The following CEP112 variants were observed in gnomAD, a reference collection of about 807,000 sequenced individuals.
The protein encoded by CEP112 is centrosomal protein 112.
Under a neutral mutation model 153.0 loss-of-function variants are expected in CEP112, and 127 were observed. The observed-to-expected ratio is 0.83, with a 90% confidence interval of 0.72 to 0.96. CEP112 has a LOEUF of 0.96. Ranked by LOEUF, CEP112 falls within the 40% of genes least tolerant of loss-of-function variation. CEP112 has a pLI of 0.00. For missense variants in CEP112, 1,089 were observed against 1,101.2 expected, an observed-to-expected ratio of 0.99 and a Z score of 0.16; for synonymous variants, 358 against 374.4, an observed-to-expected ratio of 0.96 and a Z score of 0.51.
chr17:65,760,077 A>T (rs756398343), intron 21 of CEP112, among the ~76,000 whole-genome samples: 10 of 152,194 alleles, frequency 6.6e-5, no homozygotes, highest in Non-Finnish European at 1.2e-4. Context: ...CATTGCTGGT[A>T]TAAATGAAAG....
chr17:66,182,894 T>C (rs1164175357), intron 2 of CEP112, among the ~76,000 whole-genome samples: 3 of 152,056 alleles, frequency 2.0e-5, no homozygotes, highest in Admixed American at 6.6e-5. Flanking sequence ...AAAATTTCCA[T>C]AGAGAAAAGA....
chr17:66,123,874 C>T (rs1304598179), intron 6 of CEP112, among the ~76,000 whole-genome samples: 1 of 152,058 alleles, frequency 6.6e-6, no homozygotes, highest in Non-Finnish European at 1.5e-5. Context: ...GTTTAATTCT[C>T]TATGATCTGA....
chr17:66,090,814 G>A (rs2068104286), intron 8 of CEP112, among the ~76,000 whole-genome samples: 1 of 151,944 alleles, frequency 6.6e-6, no homozygotes, highest in Non-Finnish European at 1.5e-5. Flanking sequence ...TCATGTTTAA[G>A]AACCTACATA....
chr17:66,140,617 A>C (rs1349216305), intron 4 of CEP112, among the ~76,000 whole-genome samples: 1 of 152,166 alleles, frequency 6.6e-6, no homozygotes, highest in East Asian at 1.9e-4. Context: ...TCTTTACACT[A>C]ACAATGAATT....
intron 6 of CEP112, among the ~76,000 whole-genome samples, chr17:66,117,040 T>TATTTTTACAAAA (rs1345972926): frequency 6.6e-5 from 10 of 152,000 alleles, no homozygotes; most frequent in Non-Finnish European, 1.5e-4. Flanking sequence ...CTAATTTTTG[T>TATTTTTACAAAA]ATTTTTACAA....
chr17:66,083,266 C>T (rs2067792940), intron 8 of CEP112, among the ~76,000 whole-genome samples: 1 of 152,174 alleles, frequency 6.6e-6, no homozygotes, highest in African/African-American at 2.4e-5. Flanking sequence ...TGCACATGCT[C>T]TCTTGCCTGC....
chr17:66,189,949 T>C (rs925037879), intron 1 of CEP112, among the ~76,000 whole-genome samples: 7 of 152,102 alleles, frequency 4.6e-5, no homozygotes, highest in African/African-American at 9.7e-5. Context: ...GGAGGATCAC[T>C]TGAGCCCAAG....
At chr17:66,082,103 A>C (rs190007810) in intron 8 of CEP112, among the ~76,000 whole-genome samples, 7 of 152,288 alleles carry the variant, frequency 4.6e-5, no homozygotes, top group African/African-American at 1.7e-4. Context: ...GCCTTTTACC[A>C]AAGGAGCAAT....
chr17:66,033,448 CAT>C (rs1389422031), intron 12 of CEP112, among the ~76,000 whole-genome samples: 1 of 152,166 alleles, frequency 6.6e-6, no homozygotes, highest in Non-Finnish European at 1.5e-5. Flanking sequence ...AAGAGACTAT[CAT>C]GGCCTCTGAT....
chr17:65,916,853 T>G (rs912524180), intron 19 of CEP112, among the ~76,000 whole-genome samples: 2 of 152,208 alleles, frequency 1.3e-5, no homozygotes, highest in African/African-American at 4.8e-5. Context: ...AGCCCATCTT[T>G]GCTCTTTTAA....
chr17:65,730,061 A>T (rs184009289), intron 23 of CEP112, among the ~76,000 whole-genome samples: 3 of 152,308 alleles, frequency 2.0e-5, no homozygotes, highest in African/African-American at 7.2e-5. Flanking sequence ...CACTCTTCCT[A>T]CTCACATATT....
At chr17:65,675,259 A>T (rs1002652530) in intron 24 of CEP112, among the ~76,000 whole-genome samples, 4 of 152,244 alleles carry the variant, frequency 2.6e-5, no homozygotes, top group African/African-American at 9.6e-5. Context: ...TACTAAAAAA[A>T]GTATATCTAT....
At chr17:65,655,417 A>G (rs2046014012) in intron 24 of CEP112, 11 of 1,426,644 alleles carry the variant, frequency 7.7e-6, no homozygotes, top group Middle Eastern at 2.4e-4. Context: ...CATGACATGA[A>G]GATAACATTT....
intron 4 of CEP112, among the ~76,000 whole-genome samples, chr17:66,168,917 T>C (rs2072117533): frequency 6.6e-6 from 1 of 152,160 alleles, no homozygotes; most frequent in African/African-American, 2.4e-5. Context: ...CCAACCCTTG[T>C]GCTTCTCCAC....
At chr17:66,010,901 A>G (rs913706653) in intron 16 of CEP112, among the ~76,000 whole-genome samples, 2 of 152,062 alleles carry the variant, frequency 1.3e-5, no homozygotes, top group Non-Finnish European at 2.9e-5. Flanking sequence ...TTTATCAAGG[A>G]TATTGGCCTG....
chr17:65,933,140 G>A (rs1207130815), intron 18 of CEP112, among the ~76,000 whole-genome samples: 4 of 151,860 alleles, frequency 2.6e-5, no homozygotes, highest in African/African-American at 7.3e-5. Flanking sequence ...TTGAGTCACA[G>A]GAGCAAAAAG....
At chr17:65,778,485 T>C (rs2053809981) in intron 21 of CEP112, among the ~76,000 whole-genome samples, 2 of 152,220 alleles carry the variant, frequency 1.3e-5, no homozygotes, top group Non-Finnish European at 2.9e-5. Flanking sequence ...GGCTGTTCTA[T>C]AGTCTTTTGA....
At chr17:65,997,653 A>T (rs940588477) in intron 17 of CEP112, among the ~76,000 whole-genome samples, 1 of 152,190 alleles carries the variant, frequency 6.6e-6, no homozygotes, top group African/African-American at 2.4e-5. Context: ...ATGTTTTATT[A>T]TAATTTTTCC....
intron 6 of CEP112, among the ~76,000 whole-genome samples, chr17:66,125,742 AAAG>A (rs2069816196): frequency 6.6e-6 from 1 of 152,094 alleles, no homozygotes; most frequent in African/African-American, 2.4e-5. Flanking sequence ...GAGGAAAAGA[AAAG>A]AAAAAAAAGA....
Sources: allele counts gnomAD v4.1 joint callset (sites outside exome capture counted in the v4.1 genomes callset), GRCh38; gene constraint gnomAD v4.1.1; transcripts MANE v1.5; gene names NCBI Gene and HGNC (gene_info 2026-07-23, HGNC 2026-07-21).